Variants in USH2A observed in about 807,000 individuals in gnomAD.
The protein encoded by USH2A is Usher syndrome 2A (autosomal recessive, mild).
In USH2A, 443 loss-of-function variants were observed where a neutral mutation model predicts 538.9. That is an observed-to-expected ratio of 0.82 (90% CI 0.76 to 0.89). The LOEUF is 0.89. Ranked by LOEUF, USH2A falls within the 40% of genes least tolerant of loss-of-function variation. USH2A has a pLI of 0.00. For missense variants in USH2A, 6,633 were observed against 6,324.8 expected (o/e 1.05, Z -1.65); for synonymous variants, 2,413 against 2,273.5 (o/e 1.06, Z -1.75).
At chr1:216,227,996 C>A (rs933110061) in intron 14 of USH2A, among the ~76,000 whole-genome samples, 3 of 151,980 alleles carry the variant, frequency 2.0e-5, no homozygotes, top group African/African-American at 7.2e-5. Flanking sequence ...AAAGGTTTTG[C>A]CTCAGGCTAG....
intron 4 of USH2A, among the ~76,000 whole-genome samples, chr1:216,363,461 C>T (rs370161325): frequency 9.5e-4 from 145 of 152,042 alleles, no homozygotes; most frequent in Non-Finnish European, 1.2e-3. Context: ...TATGAATTCA[C>T]GCAGGTTGGC....
At chr1:216,332,813 G>C (rs2037896119) in intron 4 of USH2A, among the ~76,000 whole-genome samples, 1 of 152,094 alleles carries the variant, frequency 6.6e-6, no homozygotes, top group Admixed American at 6.6e-5. Flanking sequence ...CAAGCAAACA[G>C]TAGTAATAGT....
chr1:216,377,866 A>G (rs555534239), intron 3 of USH2A, among the ~76,000 whole-genome samples: 120 of 141,884 alleles, frequency 8.5e-4, no homozygotes, highest in African/African-American at 3.1e-3. Flanking sequence ...AAAGAAAGAA[A>G]GAAGGAAAGA....
rs2035705305 is a variant in USH2A at position 216,231,983 on chromosome 1, T to C, written c.2963A>G (p.His988Arg). Residue 988 changes from histidine to arginine, a missense_variant, in exon 14 of 72, where the codon CAT becomes CGT. Coordinates refer to ENST00000307340, the MANE Select transcript of USH2A (RefSeq NM_206933.4). ...AGQRCDQCKD[H>R]YFGFDPQTGR... ...AGTCTGAGGATCAAATCCAAAGTAA[T>C]GGTCTTTGCATTGGTCACAACGTTG... The C allele has an allele frequency of 6.2e-7, 1 of 1,614,058 alleles. No individual in the cohort carries two copies. Among genetic ancestry groups the C allele is most frequent in the Non-Finnish European group, 8.5e-7 (1 of 1,179,910 alleles).
chr1:216,202,039 C>G (rs1020333789), intron 16 of USH2A, among the ~76,000 whole-genome samples: 1 of 152,030 alleles, frequency 6.6e-6, no homozygotes. Flanking sequence ...TTAAAGTTAC[C>G]CTTATCCCAC....
intron 37 of USH2A, among the ~76,000 whole-genome samples, chr1:215,939,347 G>A (rs2102504161): frequency 6.6e-6 from 1 of 152,112 alleles, no homozygotes; most frequent in South Asian, 2.1e-4. Context: ...TCTTGAAAAA[G>A]GTTAATTCAT....
intron 4 of USH2A, among the ~76,000 whole-genome samples, chr1:216,329,079 G>A (rs2037795620): frequency 6.6e-6 from 1 of 152,104 alleles, no homozygotes; most frequent in African/African-American, 2.4e-5. Context: ...TTCCCGTAGG[G>A]AGAGTTTCTC....
At chr1:216,142,570 G>A (rs1055923064) in intron 21 of USH2A, among the ~76,000 whole-genome samples, 3 of 152,232 alleles carry the variant, frequency 2.0e-5, no homozygotes, top group African/African-American at 7.2e-5. Context: ...GTGGGGGTTC[G>A]AAGCAACATT....
At chr1:215,741,569 T>C in intron 59 of USH2A, 32 bp from the exon 60 acceptor site, 2 of 1,608,828 alleles carry the variant, frequency 1.2e-6, no homozygotes, top group Admixed American at 1.7e-5. Flanking sequence ...GTCTTTATTA[T>C]TTTTCAAGCA....
intron 43 of USH2A, among the ~76,000 whole-genome samples, chr1:215,876,672 A>G (rs886966590): frequency 3.3e-5 from 5 of 152,310 alleles, no homozygotes; most frequent in South Asian, 2.1e-4. Flanking sequence ...GGGATGTCCT[A>G]TGGAAATGTT....
At position 215,998,995 on chromosome 1, in the gene USH2A, A is replaced by G. The variant is rs781353347; in HGVS notation, c.6549T>C (p.His2183=). 4 of 1,613,002 alleles carry G rather than the reference A, an allele frequency of 2.5e-6. No homozygotes were observed. Among genetic ancestry groups the G allele is most frequent in the Admixed American group, 3.3e-5 (2 of 59,954 alleles). The change falls in exon 34 of 72, where the codon CAT becomes CAC. Residue 2183 remains histidine (H), a synonymous_variant. Coordinates refer to ENST00000307340, the MANE Select transcript of USH2A (RefSeq NM_206933.4). ...CACTCCAAATTGTAAAATCATGTGT[A>G]TGGTTTGACATATATAATACATAGC... ...LERYVLYMSN[H]THDFTIWSVI... is the part of the protein sequence containing the mutation.
intron 41 of USH2A, among the ~76,000 whole-genome samples, chr1:215,886,253 C>T (rs1571780935): frequency 6.6e-6 from 1 of 152,154 alleles, no homozygotes; most frequent in Non-Finnish European, 1.5e-5. Flanking sequence ...AAAATATTTT[C>T]TATTTGCAAT....
intron 9 of USH2A, among the ~76,000 whole-genome samples, chr1:216,315,361 C>G (rs1010255226): frequency 2.0e-5 from 3 of 152,016 alleles, no homozygotes; most frequent in African/African-American, 7.2e-5. Context: ...TATTACATAC[C>G]AAATAACACT....
intron 3 of USH2A, among the ~76,000 whole-genome samples, chr1:216,394,693 A>G (rs1031386483): frequency 2.0e-5 from 3 of 147,908 alleles, no homozygotes; most frequent in Admixed American, 6.7e-5. Flanking sequence ...AGTTTACATC[A>G]ACTTAAGGCC....
intron 38 of USH2A, among the ~76,000 whole-genome samples, chr1:215,901,920 T>A (rs557241303): frequency 6.6e-6 from 1 of 152,262 alleles, no homozygotes; most frequent in South Asian, 2.1e-4. Context: ...TATTTTCTGA[T>A]CTCTAAAGTA....
chr1:216,301,664 A>C (rs914685205), intron 9 of USH2A, among the ~76,000 whole-genome samples: 1 of 152,204 alleles, frequency 6.6e-6, no homozygotes, highest in Non-Finnish European at 1.5e-5. Flanking sequence ...AGCACTGCCT[A>C]TGTGAGAAGG....
chr1:215,993,212 A>T, intron 34 of USH2A, 45 bp from the exon 35 acceptor site: 1 of 1,613,864 alleles, frequency 6.2e-7, no homozygotes, highest in Admixed American at 1.7e-5. Context: ...TGGTCCCAAA[A>T]GTTTTCATGA....
chr1:216,136,954 T>A (rs1000777334), intron 21 of USH2A, among the ~76,000 whole-genome samples: 4 of 152,166 alleles, frequency 2.6e-5, no homozygotes, highest in African/African-American at 9.7e-5. Flanking sequence ...GACAATAAAC[T>A]TCTATGGTTT....
At chr1:215,681,763 G>A (rs778794334) in intron 61 of USH2A, among the ~76,000 whole-genome samples, 32 of 152,068 alleles carry the variant, frequency 2.1e-4, no homozygotes, top group Non-Finnish European at 4.0e-4. Flanking sequence ...GTTATTTCTT[G>A]TTATGTGTTA....
Sources: gnomAD v4.1 joint callset for allele counts (sites outside exome capture counted in the v4.1 genomes callset) on GRCh38, gnomAD v4.1.1 for gene constraint, MANE v1.5 for transcripts, NCBI Gene and HGNC (gene_info 2026-07-23, HGNC 2026-07-21) for gene names.